Variants in TBC1D31 observed in about 807,000 individuals in gnomAD.
TBC1D31 encodes the protein TBC1 domain family member 31.
TBC1D31 carries 99 observed loss-of-function variants against 132.9 expected under a neutral mutation model. The ratio of observed to expected loss-of-function variants is 0.74; its 90% CI spans 0.63 to 0.88. TBC1D31 has a LOEUF of 0.88. TBC1D31 is among the 40% of genes least tolerant of loss of function. The pLI, the probability that TBC1D31 is intolerant of heterozygous loss-of-function variation, is 0.00. For missense variants in TBC1D31, 1,134 were observed against 1,256.6 expected (o/e 0.90, Z 1.48); for synonymous variants, 385 against 419.4 (o/e 0.92, Z 1.00).
intron 20 of TBC1D31, among the ~76,000 whole-genome samples, chr8:123,147,329 C>T (rs965189964): frequency 3.9e-5 from 6 of 152,000 alleles, no homozygotes; most frequent in Admixed American, 2.6e-4. Context: ...CCCACCACCA[C>T]GCCCAGCTAA....
intron 13 of TBC1D31, among the ~76,000 whole-genome samples, chr8:123,127,564 C>T (rs1003285551): frequency 7.9e-5 from 12 of 152,068 alleles, no homozygotes; most frequent in Admixed American, 2.6e-4. Flanking sequence ...TGAGCCACCA[C>T]GCCCGGCTGC....
chr8:123,144,543 T>C (rs1586737401), intron 19 of TBC1D31, among the ~76,000 whole-genome samples, 174 bp from the exon 20 acceptor site: 1 of 152,336 alleles, frequency 6.6e-6, no homozygotes, highest in South Asian at 2.1e-4. Context: ...TTCAAGGCTC[T>C]TAATAGCCTT....
At chr8:123,094,091 GTC>G (rs1173325508) in intron 5 of TBC1D31, among the ~76,000 whole-genome samples, 1 of 151,108 alleles carries the variant, frequency 6.6e-6, no homozygotes, top group Non-Finnish European at 1.5e-5. Flanking sequence ...TTTAAATGGA[GTC>G]TCACTCTGTC....
At chr8:123,165,150 A>C in the TBC1D31 span, among the ~76,000 whole-genome samples, 6 of 152,236 alleles carry the variant, frequency 3.9e-5, no homozygotes. Flanking sequence ...ATTGTGCAGG[A>C]ATAAATTTCT....
chr8:123,136,910 G>T (rs1014681241), intron 17 of TBC1D31, among the ~76,000 whole-genome samples: 1 of 152,168 alleles, frequency 6.6e-6, no homozygotes, highest in African/African-American at 2.4e-5. Flanking sequence ...AACTTTATCT[G>T]GTCAGTTAGG....
rs1276234496 is a variant in TBC1D31 at position 123,135,405 on chromosome 8, G to A, written c.2499+1199G>A. ...CCCACTTAAAAAGTCAGACCTTTTAGCCTGGGCAACACAGCAAGACCCCAT... is the reference window on the plus strand; with the variant it reads ...CCCACTTAAAAAGTCAGACCTTTTAACCTGGGCAACACAGCAAGACCCCAT... On this transcript the variant is annotated intron_variant, in intron 17 of 21. Coordinates refer to ENST00000287380, the MANE Select transcript of TBC1D31 (RefSeq NM_145647.4). 2.0e-5 allele frequency among the ~76,000 whole-genome samples: 3 copies of A among 152,134 alleles called. No individual in the cohort carries two copies. In the East Asian group the frequency reaches 5.8e-4, roughly 29 times the overall value.
At chr8:123,158,020 T>C in the TBC1D31 span, among the ~76,000 whole-genome samples, 54 of 11,242 alleles carry the variant, frequency 4.8e-3, no homozygotes, top group African/African-American at 0.015. Context: ...TTTTCTTCCT[T>C]TTTTTTTTTT....
intron 10 of TBC1D31, among the ~76,000 whole-genome samples, chr8:123,117,584 C>A (rs938093667): frequency 6.6e-6 from 1 of 151,290 alleles, no homozygotes; most frequent in East Asian, 2.0e-4. Context: ...GAAACCCCGT[C>A]TCTACTAAAA....
chr8:123,092,595 A>T (rs2130138214), intron 4 of TBC1D31, among the ~76,000 whole-genome samples: 1 of 151,946 alleles, frequency 6.6e-6, no homozygotes, highest in East Asian at 1.9e-4. Flanking sequence ...AAATACATAC[A>T]CCCCATTTTG....
At chr8:123,115,456 T>C (rs535931733) in intron 10 of TBC1D31, among the ~76,000 whole-genome samples, 4 of 152,318 alleles carry the variant, frequency 2.6e-5, no homozygotes, top group African/African-American at 9.6e-5. Flanking sequence ...TAATAAAAAA[T>C]GTCTGACATA....
chr8:123,105,876 G>A (rs575503528), intron 8 of TBC1D31, among the ~76,000 whole-genome samples: 1 of 152,234 alleles, frequency 6.6e-6, no homozygotes, highest in Admixed American at 6.5e-5. Context: ...CCAGCACCCA[G>A]ATCAAAAACT....
intron 4 of TBC1D31, among the ~76,000 whole-genome samples, chr8:123,087,131 T>C (rs1007553308): frequency 6.6e-6 from 1 of 152,240 alleles, no homozygotes; most frequent in African/African-American, 2.4e-5. Context: ...GCTGATTTTA[T>C]TCAAATGAGC....
chr8:123,159,741 G>A, the TBC1D31 span, among the ~76,000 whole-genome samples: 2 of 151,730 alleles, frequency 1.3e-5, no homozygotes, highest in African/African-American at 2.4e-5. Flanking sequence ...GCGGTGAGCC[G>A]AGATCGCGTC....
At chr8:123,102,152 A>C in intron 7 of TBC1D31, 3 of 446,320 alleles carry the variant, frequency 6.7e-6, no homozygotes, top group South Asian at 4.8e-5. Flanking sequence ...CTAACCAGTC[A>C]TATTGTCCGT....
In TBC1D31 at chr8:123,084,171, A is replaced by G; in HGVS notation, c.350A>G (p.Glu117Gly). The stretch of plus-strand genomic sequence containing the variant: ...TTACTTTTTACCACAGTCACCAAGG[A>G]GCTAGTTAGCTGGATGAGAGGACAT... Reference protein sequence around the residue: ...SIKCFDTVTKELVSWMRGHES... With the variant: ...SIKCFDTVTKGLVSWMRGHES... The change falls in exon 4 of 22, where the codon GAG becomes GGG. Residue 117 changes from glutamate (E) to glycine (G), a missense_variant. Glu to Gly is a moderately conservative substitution (Grantham distance 98, BLOSUM62 -2). Transcript: ENST00000287380. 6.2e-7 allele frequency: 1 copy of G among 1,614,004 alleles called. No individual in the cohort carries two copies. Among genetic ancestry groups the G allele is most frequent in the South Asian group, 1.1e-5 (1 of 91,054 alleles).
intron 7 of TBC1D31, chr8:123,102,562 T>G: frequency 3.9e-6 from 1 of 258,774 alleles, no homozygotes; most frequent in Non-Finnish European, 7.6e-6. Flanking sequence ...TAAATATATA[T>G]AGTCACTCCT....
intron 17 of TBC1D31, among the ~76,000 whole-genome samples, chr8:123,140,532 C>T (rs948109861): frequency 3.9e-5 from 6 of 152,088 alleles, no homozygotes; most frequent in Admixed American, 1.3e-4. Context: ...TGAAGAAGTT[C>T]ATTTTGACAT....
In TBC1D31 at chr8:123,142,421, A is replaced by G; in HGVS notation, c.2800A>G (p.Ile934Val). 1.2e-6 allele frequency: 2 copies of G among 1,601,160 alleles called. No homozygotes were observed. Residue 934 changes from isoleucine (I) to valine (V), a missense_variant, in exon 19 of 22, where the codon ATA (isoleucine) becomes GTA (valine). Physicochemically the swap from Ile to Val is conservative, Grantham distance 29. Transcript: ENST00000287380. ...GGAAAACAGAAGGAAAGAAATAGAG[A>G]TAATAAATGCAATGGTGGAGGAGGA... The part of the protein sequence containing the change: ...LRENRRKEIE[I>V]INAMVEEEAK...
chr8:123,147,091 T>TTTAAAAATTTAAAAAA (rs1822287291), intron 20 of TBC1D31, among the ~76,000 whole-genome samples: 1 of 152,032 alleles, frequency 6.6e-6, no homozygotes. Flanking sequence ...GAATTAAATA[T>TTTAAAAATTTAAAAAA]TTAAAACTGG....
Sources: gnomAD v4.1 joint callset for allele counts (sites outside exome capture counted in the v4.1 genomes callset) on GRCh38, gnomAD v4.1.1 for gene constraint, MANE v1.5 for transcripts, NCBI Gene and HGNC (gene_info 2026-07-23, HGNC 2026-07-21) for gene names.